Variants in CTBP2 observed in about 807,000 individuals in gnomAD.
CTBP2 encodes the protein C-terminal-binding protein 2.
In CTBP2, 30 loss-of-function variants were observed where a neutral mutation model predicts 80.3. The observed-to-expected ratio is 0.37, with a 90% CI of 0.28 to 0.51. The LOEUF is 0.51. Ranked by LOEUF, CTBP2 falls within the 20% of genes least tolerant of loss-of-function variation. The pLI is 0.93. For synonymous variants in CTBP2, 594 were observed against 587.4 expected (o/e 1.01, Z -0.16); for missense variants, 1,212 against 1,375.3 (o/e 0.88, Z 1.88).
intron 2 of CTBP2, among the ~76,000 whole-genome samples, chr10:125,085,769 A>G (rs1438790847): frequency 6.6e-6 from 1 of 152,228 alleles, no homozygotes; most frequent in East Asian, 1.9e-4. Context: ...GTTCACTCAA[A>G]TGATCCCCTT....
intron 8 of CTBP2, among the ~76,000 whole-genome samples, chr10:124,991,900 G>GT (rs1564998981): frequency 6.8e-6 from 1 of 147,400 alleles, no homozygotes; most frequent in South Asian, 2.3e-4. Flanking sequence ...TAATGGGGGG[G>GT]GGGGTGTGGG....
At chr10:125,122,318 C>T (rs1249518582) in intron 1 of CTBP2, among the ~76,000 whole-genome samples, 2 of 152,218 alleles carry the variant, frequency 1.3e-5, no homozygotes, top group African/African-American at 4.8e-5. Flanking sequence ...CATATAAATA[C>T]ACACAAGTAT....
intron 8 of CTBP2, among the ~76,000 whole-genome samples, chr10:124,990,720 A>G (rs1017937263): frequency 6.6e-6 from 1 of 152,242 alleles, no homozygotes; most frequent in African/African-American, 2.4e-5. Flanking sequence ...TAAGAGGTAG[A>G]GCCCTTGGGA....
intron 2 of CTBP2, among the ~76,000 whole-genome samples, chr10:125,085,309 C>G (rs1847815598): frequency 6.6e-6 from 1 of 152,212 alleles, no homozygotes; most frequent in Non-Finnish European, 1.5e-5. Flanking sequence ...CTACGCTGCC[C>G]TGACAGCAAT....
chr10:125,086,881 G>T (rs1262436046), intron 2 of CTBP2, among the ~76,000 whole-genome samples: 1 of 151,996 alleles, frequency 6.6e-6, no homozygotes, highest in Non-Finnish European at 1.5e-5. Context: ...AGGGGGCTCC[G>T]CCTCTAGAAC....
At chr10:125,004,516 C>T (rs183575590) in intron 1 of CTBP2, among the ~76,000 whole-genome samples, 116 of 152,322 alleles carry the variant, frequency 7.6e-4, no homozygotes, top group Non-Finnish European at 1.4e-3. Context: ...TCTGCCCAAA[C>T]CTCACATCTT....
In CTBP2 at chr10:125,026,461, G is replaced by A. The variant is rs1369365475; in HGVS notation, c.1299C>T (p.Phe433=). 1.2e-6 allele frequency: 2 copies of A among 1,600,060 alleles called. No homozygotes were observed. The highest frequency in any genetic ancestry group is 1.1e-5 in the South Asian group (1 of 90,136). ...GAGAGCTGTACCCGGAGTTGGAGGG[G>A]AAGTGTGGGGCATGGGTGCCCACGC... The change falls in exon 1 of 9, where the codon TTC becomes TTT. Residue 433 remains phenylalanine (F), a synonymous_variant. Transcript: ENST00000309035.
intron 2 of CTBP2, among the ~76,000 whole-genome samples, chr10:125,050,202 A>G (rs1393050035): frequency 1.3e-5 from 2 of 152,198 alleles, no homozygotes; most frequent in African/African-American, 4.8e-5. Flanking sequence ...CTCTATCACC[A>G]AAAGCCGCTC....
At chr10:124,991,936 T>C (rs1350146050) in intron 8 of CTBP2, among the ~76,000 whole-genome samples, 1 of 142,764 alleles carries the variant, frequency 7.0e-6, no homozygotes, top group East Asian at 2.0e-4. Flanking sequence ...GCATGGAAAA[T>C]ACCACAAAAG....
chr10:125,154,306 C>T (rs925277982), intron 1 of CTBP2, among the ~76,000 whole-genome samples: 3 of 152,152 alleles, frequency 2.0e-5, no homozygotes, highest in Non-Finnish European at 2.9e-5. Context: ...GGCAACAAAA[C>T]CAAAGGCAAG....
At chr10:125,151,297 C>G (rs1387694188) in intron 1 of CTBP2, among the ~76,000 whole-genome samples, 1 of 152,154 alleles carries the variant, frequency 6.6e-6, no homozygotes, top group Non-Finnish European at 1.5e-5. Context: ...TCACATGCCT[C>G]GCCAGGCTTC....
chr10:125,100,135 T>C (rs1004784324), intron 2 of CTBP2, among the ~76,000 whole-genome samples: 1 of 152,228 alleles, frequency 6.6e-6, no homozygotes, highest in Non-Finnish European at 1.5e-5. Flanking sequence ...ATTAGCATAT[T>C]ATAAAGAATT....
chr10:125,015,560 G>A (rs1015232278), intron 1 of CTBP2, among the ~76,000 whole-genome samples: 5 of 152,200 alleles, frequency 3.3e-5, no homozygotes, highest in Non-Finnish European at 7.4e-5. Context: ...TTGGGAGGGC[G>A]TCCCGGAAGC....
Position 124,989,314 on chromosome 10 carries a change from T to G in CTBP2, c.*204A>C. ...ATAACAGAAGTTGGTCGTTAATAAA[T>G]CACATCCTAGTCTTTCAGCGCTTCC... On this transcript the variant is annotated 3_prime_UTR_variant, in exon 9 of 9. Transcript: ENST00000309035. 1 of 603,230 alleles carries G rather than the reference T, an allele frequency of 1.7e-6. No homozygotes were observed. The highest frequency in any genetic ancestry group is 2.9e-6 in the Non-Finnish European group (1 of 341,366). 37.4% of individuals were successfully genotyped at this position (603,230 alleles called of 1,614,324 possible). A position where few individuals can be genotyped will look rare whatever the true frequency, so the allele number is the denominator to read the frequency against.
exon 3 of CTBP2, chr10:125,039,037 C>T: frequency 6.2e-7 from 1 of 1,612,806 alleles, no homozygotes; most frequent in South Asian, 1.1e-5. Context: ...TGACTTTGTG[C>T]TTATCCACAA....
At chr10:125,077,708 T>C (rs71488644) in intron 2 of CTBP2, among the ~76,000 whole-genome samples, 24,372 of 151,998 alleles carry the variant, frequency 0.16, 2,047 homozygotes, top group Middle Eastern at 0.25. Context: ...GCTGAAGAAA[T>C]CACCCATGAA....
At chr10:124,991,082 C>T (rs375190753) in intron 8 of CTBP2, among the ~76,000 whole-genome samples, 14 of 152,244 alleles carry the variant, frequency 9.2e-5, no homozygotes, top group African/African-American at 3.1e-4. Context: ...TTCCTCGGAA[C>T]GCCCAGGCTC....
intron 2 of CTBP2, among the ~76,000 whole-genome samples, chr10:125,041,675 G>A (rs949976889): frequency 6.6e-6 from 1 of 152,102 alleles, no homozygotes; most frequent in African/African-American, 2.4e-5. Flanking sequence ...TCCAAGGGGG[G>A]AAGAGAATTA....
rs1952211889 is a variant in CTBP2, at chr10:124,988,899, GCAT to G, written c.*616_*618del. On this transcript the variant is annotated 3_prime_UTR_variant, in exon 9 of 9. Transcript: ENST00000309035. ...ACTTAATACTTTTTTTTTTTTTTTT[GCAT>G]CATCAGAGGGTTTTACTGAACTTAC... The G allele has an allele frequency of 8.8e-6, 1 of 113,986 alleles. No homozygotes were observed. Among genetic ancestry groups the G allele is most frequent in the Non-Finnish European group, 1.8e-5 (1 of 54,556 alleles). The allele number at this position is 113,986 out of a possible 1,614,324, so 7.1% of individuals were successfully genotyped here. A position where few individuals can be genotyped will look rare whatever the true frequency, so the allele number is the denominator to read the frequency against.
Sources: allele counts gnomAD v4.1 joint callset (sites outside exome capture counted in the v4.1 genomes callset), GRCh38; gene constraint gnomAD v4.1.1; transcripts MANE v1.5; gene names NCBI Gene and HGNC (gene_info 2026-07-23, HGNC 2026-07-21).